The following PCDH7 variants were observed in gnomAD, a reference collection of about 807,000 sequenced individuals.
PCDH7 encodes protocadherin-7.
A neutral mutation model predicts 58.9 loss-of-function variants in PCDH7; 17 were observed. That is an observed-to-expected ratio of 0.29 (90% CI 0.20 to 0.43). PCDH7 has a LOEUF of 0.43. Among genes scored for constraint, PCDH7 ranks in the 20% least tolerant of loss-of-function variants. PCDH7 has a pLI of 1.00. For synonymous variants in PCDH7, 664 were observed against 616.4 expected, an observed-to-expected ratio of 1.08 and a Z score of -1.14; for missense variants, 1,274 against 1,441.0, an observed-to-expected ratio of 0.88 and a Z score of 1.88.
intron 1 of PCDH7, among the ~76,000 whole-genome samples, chr4:30,745,828 ATAT>A (rs1175978788): frequency 1.3e-5 from 2 of 151,866 alleles, no homozygotes; most frequent in African/African-American, 2.4e-5. Flanking sequence ...TTCTAAAGAG[ATAT>A]TATTATTATT....
chr4:30,930,389 A>T (rs1489115357), intron 2 of PCDH7, among the ~76,000 whole-genome samples: 1 of 152,202 alleles, frequency 6.6e-6, no homozygotes, highest in East Asian at 1.9e-4. Flanking sequence ...TACTTAAGGT[A>T]TCTTTGAAAA....
chr4:31,039,962 G>A (rs1408306627), intron 3 of PCDH7, among the ~76,000 whole-genome samples: 2 of 152,178 alleles, frequency 1.3e-5, no homozygotes, highest in African/African-American at 4.8e-5. Flanking sequence ...TAAAGGTTAT[G>A]TGCGTAGATA....
At chr4:30,850,667 A>T (rs1211859478) in intron 1 of PCDH7, among the ~76,000 whole-genome samples, 1 of 152,100 alleles carries the variant, frequency 6.6e-6, no homozygotes, top group East Asian at 1.9e-4. Flanking sequence ...TATTTGAGGC[A>T]TGACCCTTTT....
chr4:31,071,893 G>A (rs1277356487), intron 3 of PCDH7, among the ~76,000 whole-genome samples: 1 of 152,046 alleles, frequency 6.6e-6, no homozygotes, highest in Non-Finnish European at 1.5e-5. Flanking sequence ...TTATTCTGAA[G>A]GTGGTGAGAA....
At chr4:31,072,079 C>A (rs1441032410) in intron 3 of PCDH7, among the ~76,000 whole-genome samples, 1 of 151,992 alleles carries the variant, frequency 6.6e-6, no homozygotes, top group Non-Finnish European at 1.5e-5. Flanking sequence ...ACTCACATGG[C>A]TGCACACTAG....
chr4:31,074,052 C>T (rs1330989982), intron 3 of PCDH7, among the ~76,000 whole-genome samples: 1 of 151,854 alleles, frequency 6.6e-6, no homozygotes, highest in Non-Finnish European at 1.5e-5. Context: ...GCTCGTCTTC[C>T]CCAAGATTCA....
At chr4:31,122,659 A>G (rs1717830059) in intron 3 of PCDH7, among the ~76,000 whole-genome samples, 1 of 152,000 alleles carries the variant, frequency 6.6e-6, no homozygotes, top group South Asian at 2.1e-4. Flanking sequence ...AGTGTAGGGT[A>G]GAGATGATAG....
intron 1 of PCDH7, among the ~76,000 whole-genome samples, chr4:30,823,960 A>C (rs1190273153): frequency 6.6e-6 from 1 of 152,106 alleles, no homozygotes; most frequent in Admixed American, 6.5e-5. Flanking sequence ...GGAATAAAGA[A>C]CCCAGAATCT....
chr4:30,881,292 G>A (rs1209423458), intron 1 of PCDH7, among the ~76,000 whole-genome samples: 1 of 151,942 alleles, frequency 6.6e-6, no homozygotes, highest in Admixed American at 6.6e-5. Flanking sequence ...GCTGCAGTGA[G>A]CTGAGATTGC....
chr4:30,739,420 A>G (rs1043360279), intron 1 of PCDH7, among the ~76,000 whole-genome samples: 6 of 151,936 alleles, frequency 3.9e-5, no homozygotes, highest in African/African-American at 1.2e-4. Flanking sequence ...AAATGGCAAT[A>G]ATGATGGTAT....
intron 1 of PCDH7, among the ~76,000 whole-genome samples, chr4:30,747,753 T>C (rs1273527454): frequency 6.6e-6 from 1 of 152,248 alleles, no homozygotes; most frequent in African/African-American, 2.4e-5. Flanking sequence ...AGGTAACATA[T>C]TCACAGGTTT....
At chr4:31,131,017 T>C (rs553438353) in intron 3 of PCDH7, among the ~76,000 whole-genome samples, 3 of 152,238 alleles carry the variant, frequency 2.0e-5, no homozygotes, top group South Asian at 4.2e-4. Context: ...TTAGGATGCA[T>C]ACATTTTTGG....
intron 1 of PCDH7, among the ~76,000 whole-genome samples, chr4:30,813,428 C>T (rs1034478062): frequency 5.9e-5 from 9 of 152,004 alleles, no homozygotes; most frequent in African/African-American, 2.2e-4. Flanking sequence ...GTTGGTTTGG[C>T]AAAACATTAT....
intron 1 of PCDH7, among the ~76,000 whole-genome samples, chr4:30,908,755 A>G (rs1741329587): frequency 6.6e-6 from 1 of 152,120 alleles, no homozygotes; most frequent in Non-Finnish European, 1.5e-5. Context: ...AACAATAGAA[A>G]AAGAGGATCT....
At chr4:30,965,077 T>G (rs1748877944) in intron 3 of PCDH7, among the ~76,000 whole-genome samples, 1 of 152,246 alleles carries the variant, frequency 6.6e-6, no homozygotes, top group Non-Finnish European at 1.5e-5. Context: ...TCAGTTATTT[T>G]ACATTCAGCA....
intron 1 of PCDH7, among the ~76,000 whole-genome samples, chr4:30,873,502 G>T (rs1421530534): frequency 6.6e-6 from 1 of 151,988 alleles, no homozygotes; most frequent in African/African-American, 2.4e-5. Context: ...TTTAATTTGA[G>T]ATCTATATGT....
At chr4:30,747,511 C>G (rs913521769) in intron 1 of PCDH7, among the ~76,000 whole-genome samples, 2 of 152,266 alleles carry the variant, frequency 1.3e-5, no homozygotes, top group South Asian at 4.1e-4. Context: ...TCTCTAGCTT[C>G]TAGGGCTGCC....
chr4:30,974,061 A>C (rs555309689), intron 3 of PCDH7, among the ~76,000 whole-genome samples: 35 of 151,938 alleles, frequency 2.3e-4, no homozygotes, highest in African/African-American at 8.5e-4. Context: ...AAAAAAAAAC[A>C]CACACTCCTA....
At position 30,878,573 on chromosome 4, in the gene PCDH7, C is replaced by T. The variant is rs564790600; in HGVS notation, c.71-41580C>T. Among the ~76,000 whole-genome samples the T allele has an allele frequency of 1.8e-4, 27 of 152,190 alleles. No homozygotes were observed. In the East Asian group the frequency reaches 4.1e-3, roughly 23 times the overall value. ...AGAACTGTGCTGCTAGCTTGGATCA[C>T]TCACCCCCAGTCTATGATATAAAAG... On this transcript the variant is annotated intron_variant, in intron 1 of 3. Coordinates refer to the PCDH7 transcript ENST00000509759.
Sources: allele counts gnomAD v4.1 joint callset (sites outside exome capture counted in the v4.1 genomes callset), GRCh38; gene constraint gnomAD v4.1.1; transcripts MANE v1.5; gene names NCBI Gene and HGNC (gene_info 2026-07-23, HGNC 2026-07-21).